ASNS: variants seen among roughly 807,000 people sequenced by gnomAD.
The protein encoded by ASNS is asparagine synthetase (glutamine-hydrolyzing).
In ASNS, 37 loss-of-function variants were observed where a neutral mutation model predicts 62.6. That is an observed-to-expected ratio of 0.59 (90% CI 0.45 to 0.78). The LOEUF is 0.78. Ranked by LOEUF, ASNS falls within the 30% of genes least tolerant of loss-of-function variation. ASNS has a pLI of 0.00. For missense variants in ASNS, 520 were observed against 682.4 expected (o/e 0.76, Z 2.65); for synonymous variants, 207 against 237.9 (o/e 0.87, Z 1.19).
chr7:97,887,130 C>T, the ASNS span, among the ~76,000 whole-genome samples: 1 of 152,188 alleles, frequency 6.6e-6, no homozygotes, highest in Non-Finnish European at 1.5e-5. Context: ...ACAACTTTGT[C>T]AAAATTGTTC....
the ASNS span, among the ~76,000 whole-genome samples, chr7:97,894,001 T>C: frequency 6.6e-6 from 1 of 152,408 alleles, no homozygotes; most frequent in South Asian, 2.1e-4. Context: ...AATAAAATTT[T>C]AAAAATTAAA....
At chr7:97,856,586 T>G in intron 8 of ASNS, 104 bp downstream of exon 8, 1 of 1,085,752 alleles carries the variant, frequency 9.2e-7, no homozygotes, top group Non-Finnish European at 1.3e-6. Flanking sequence ...GCATTCATCC[T>G]TAAATAACAT....
chr7:97,855,174 A>G, intron 9 of ASNS, 179 bp downstream of exon 9: 1 of 539,166 alleles, frequency 1.9e-6, no homozygotes, highest in South Asian at 2.7e-5. Flanking sequence ...AAATTATCTG[A>G]CACATTAAAA....
At chr7:97,919,597 C>T in the ASNS span, among the ~76,000 whole-genome samples, 4 of 152,200 alleles carry the variant, frequency 2.6e-5, no homozygotes, top group African/African-American at 9.7e-5. Flanking sequence ...CAACTTAAGC[C>T]GACAAGCTTT....
the ASNS span, among the ~76,000 whole-genome samples, chr7:97,920,766 G>A: frequency 6.6e-6 from 1 of 152,232 alleles, no homozygotes; most frequent in African/African-American, 2.4e-5. Context: ...CTGGTTATTA[G>A]CAAGAGCTTT....
chr7:97,914,593 A>G, the ASNS span, among the ~76,000 whole-genome samples: 43 of 152,154 alleles, frequency 2.8e-4, 1 homozygote, highest in Non-Finnish European at 5.6e-4. Context: ...GACTTCCCCA[A>G]TCATGGGGAC....
the ASNS span, among the ~76,000 whole-genome samples, chr7:97,888,164 G>C: frequency 3.3e-5 from 5 of 152,094 alleles, no homozygotes; most frequent in Non-Finnish European, 5.9e-5. Context: ...TGCAGAGAGA[G>C]GGTCTCACTA....
At chr7:97,875,127 T>G (rs565039256), upstream of ASNS, among the ~76,000 whole-genome samples, 6 of 152,334 alleles carry the variant, frequency 3.9e-5, no homozygotes, top group East Asian at 9.6e-4. Context: ...TCCCCAAATC[T>G]CAGTGGCTCC....
the ASNS span, among the ~76,000 whole-genome samples, chr7:97,902,151 G>A: frequency 2.0e-5 from 3 of 152,256 alleles, no homozygotes; most frequent in African/African-American, 7.2e-5. Context: ...GTCCTCAGAA[G>A]GAGGCTTCAT....
At chr7:97,857,596 T>C (rs575241245) in intron 7 of ASNS, among the ~76,000 whole-genome samples, 28 of 141,638 alleles carry the variant, frequency 2.0e-4, no homozygotes, top group African/African-American at 4.7e-4. Context: ...GTCTTAGCCA[T>C]GATACTATGC....
chr7:97,897,616 C>A, the ASNS span, among the ~76,000 whole-genome samples: 8 of 152,104 alleles, frequency 5.3e-5, no homozygotes, highest in East Asian at 1.4e-3. Flanking sequence ...CAAATGCTGG[C>A]AAGCATGTGA....
chr7:97,854,098 A>T (rs1166828810), intron 10 of ASNS, among the ~76,000 whole-genome samples: 1 of 152,276 alleles, frequency 6.6e-6, no homozygotes, highest in Non-Finnish European at 1.5e-5. Context: ...CTGGTTCTTT[A>T]TAATGTAATC....
chr7:97,869,942 T>C (rs915201768), intron 1 of ASNS, 129 bp from the exon 2 acceptor site: 15 of 173,860 alleles, frequency 8.6e-5, no homozygotes, highest in African/African-American at 3.1e-4. Context: ...AAAAATGTTC[T>C]CAAATATTTC....
the ASNS span, among the ~76,000 whole-genome samples, chr7:97,916,857 G>A: frequency 6.6e-6 from 1 of 152,318 alleles, no homozygotes; most frequent in Non-Finnish European, 1.5e-5. Flanking sequence ...GATAGCTCCT[G>A]CCACCGTATT....
the ASNS span, among the ~76,000 whole-genome samples, chr7:97,897,371 G>A: frequency 2.8e-3 from 431 of 152,238 alleles, no homozygotes; most frequent in African/African-American, 9.6e-3. Flanking sequence ...GATGCCAAAC[G>A]CAATTGCCAC....
chr7:97,882,757 A>T, the ASNS span, among the ~76,000 whole-genome samples: 1 of 146,554 alleles, frequency 6.8e-6, no homozygotes, highest in Non-Finnish European at 1.5e-5. Flanking sequence ...TCGTAATGGA[A>T]AATAAGGTTG....
At chr7:97,875,464 T>C (rs1190041077), upstream of ASNS, among the ~76,000 whole-genome samples, 1 of 152,194 alleles carries the variant, frequency 6.6e-6, no homozygotes, top group Non-Finnish European at 1.5e-5. Flanking sequence ...CTTGGTCACG[T>C]TGCATGTCTG....
At chr7:97,922,931 A>G in the ASNS span, among the ~76,000 whole-genome samples, 23 of 152,030 alleles carry the variant, frequency 1.5e-4, no homozygotes, top group African/African-American at 5.6e-4. Flanking sequence ...AGCTGGGATT[A>G]CAGGTGTGTG....
At chr7:97,908,288 G>T in the ASNS span, 1 of 152,206 alleles carries the variant, frequency 6.6e-6, no homozygotes, top group Non-Finnish European at 1.5e-5. Context: ...GGACCAGGAA[G>T]TTCATGACCA....
Sources: allele counts gnomAD v4.1 joint callset (sites outside exome capture counted in the v4.1 genomes callset), GRCh38; gene constraint gnomAD v4.1.1; transcripts MANE v1.5; gene names NCBI Gene and HGNC (gene_info 2026-07-23, HGNC 2026-07-21).